The following FAM204A variants were observed in gnomAD, a reference collection of about 807,000 sequenced individuals.
FAM204A encodes protein FAM204A.
A neutral mutation model predicts 35.4 loss-of-function variants in FAM204A; 16 were observed. The observed-to-expected ratio is 0.45, with a 90% CI of 0.31 to 0.69. The LOEUF (loss-of-function observed/expected upper bound fraction) is 0.69, where lower values mean the gene tolerates loss of function less well. Among genes scored for constraint, FAM204A ranks in the 30% least tolerant of loss-of-function variants. The pLI is 0.07. For missense variants in FAM204A, 240 were observed against 265.7 expected, an observed-to-expected ratio of 0.90 and a Z score of 0.67; for synonymous variants, 76 against 86.9, an observed-to-expected ratio of 0.88 and a Z score of 0.70.
intron 6 of FAM204A, among the ~76,000 whole-genome samples, chr10:118,330,332 C>T (rs778684637): frequency 2.0e-5 from 3 of 152,152 alleles, no homozygotes; most frequent in Admixed American, 6.5e-5. Flanking sequence ...AGACCTGCTC[C>T]AACCATTCAT....
intron 7 of FAM204A, among the ~76,000 whole-genome samples, chr10:118,315,069 C>A (rs1275456563): frequency 6.6e-6 from 1 of 152,050 alleles, no homozygotes; most frequent in African/African-American, 2.4e-5. Flanking sequence ...CCTGGCTGGA[C>A]CCTTGAGGCA....
chr10:118,312,764 T>C (rs1045586472), intron 7 of FAM204A, among the ~76,000 whole-genome samples: 1 of 152,156 alleles, frequency 6.6e-6, no homozygotes, highest in Non-Finnish European at 1.5e-5. Context: ...AGTGCTACTG[T>C]CGTCCTCCTC....
rs1845854588 is a variant in FAM204A at position 118,305,596 on chromosome 10, GT to G, written c.*5260del. 1 of 152,190 alleles carries G rather than the reference GT, an allele frequency of 6.6e-6. No homozygotes were observed. The highest frequency in any genetic ancestry group is 1.9e-4 in the East Asian group (1 of 5,194). 9.4% of individuals were successfully genotyped at this position (152,190 alleles called of 1,614,324 possible). The stretch of plus-strand genomic sequence containing the variant: ...ATACTCAGGTAACTAAAATTTTTAA[GT>G]CTACATTACTTCTTATATGTAGATT... On this transcript the variant is annotated 3_prime_UTR_variant, in exon 9 of 9. Coordinates refer to ENST00000369183, the MANE Select transcript of FAM204A (RefSeq NM_022063.3).
chr10:118,308,212 A>C lies in FAM204A; in HGVS notation c.*2645T>G, dbSNP rs965507538. 1.3e-5 allele frequency: 2 copies of C among 152,224 alleles called. No homozygotes were observed. The highest frequency in any genetic ancestry group is 4.8e-5 in the African/African-American group (2 of 41,460). 9.4% of individuals were successfully genotyped at this position (152,224 alleles called of 1,614,324 possible). A position where few individuals can be genotyped will look rare whatever the true frequency, so the allele number is the denominator to read the frequency against. On this transcript the variant is annotated 3_prime_UTR_variant, in exon 9 of 9. Coordinates refer to ENST00000369183, the MANE Select transcript of FAM204A (RefSeq NM_022063.3). The stretch of plus-strand genomic sequence containing the variant: ...ATCATAGTTACATTAATGCCATACC[A>C]ACGGCCTGAAACATATTAATCTCAG...
At chr10:118,335,966 T>C (rs1358316617) in intron 3 of FAM204A, 1 of 564,858 alleles carries the variant, frequency 1.8e-6, no homozygotes, top group East Asian at 3.0e-5. Context: ...GGTTTGGGTT[T>C]TTTTTTTTTC....
rs764123349 is a variant in FAM204A at position 118,306,781 on chromosome 10, A to C, written c.*4076T>G. ...ATGCCTTTCCAGGTTTCCTCGTGGC[A>C]ATCTCCATTGGCCACATGCTGTCAT... On this transcript the variant is annotated 3_prime_UTR_variant, in exon 9 of 9. Transcript: ENST00000369183. 1.3e-5 allele frequency: 2 copies of C among 152,232 alleles called. No homozygotes were observed. The highest frequency in any genetic ancestry group is 2.9e-5 in the Non-Finnish European group (2 of 68,042). The allele number at this position is 152,232 out of a possible 1,614,324, so 9.4% of individuals were successfully genotyped here. A position where few individuals can be genotyped will look rare whatever the true frequency, so the allele number is the denominator to read the frequency against.
intron 3 of FAM204A, 136 bp from the exon 4 acceptor site, chr10:118,335,777 G>A (rs1257924193): frequency 2.9e-6 from 2 of 683,354 alleles, no homozygotes; most frequent in Non-Finnish European, 4.8e-6. Context: ...GTCAGTTCTT[G>A]AGATGCTCTA....
At chr10:118,327,296 T>C (rs912457366) in intron 6 of FAM204A, among the ~76,000 whole-genome samples, 15 of 152,140 alleles carry the variant, frequency 9.9e-5, no homozygotes, top group Non-Finnish European at 1.9e-4. Flanking sequence ...TTTGTTGAGA[T>C]GAGATGTAAA....
At chr10:118,327,219 T>A (rs1846211127) in intron 6 of FAM204A, among the ~76,000 whole-genome samples, 1 of 152,230 alleles carries the variant, frequency 6.6e-6, no homozygotes, top group Admixed American at 6.5e-5. Context: ...GTCCTAAGAA[T>A]GTCTCTTCCA....
In FAM204A at chr10:118,310,532, C is replaced by A; in HGVS notation, c.*325G>T. 2 of 236,952 alleles carry A rather than the reference C, an allele frequency of 8.4e-6. No homozygotes were observed. The highest frequency in any genetic ancestry group is 8.0e-6 in the Non-Finnish European group (1 of 124,908). The allele number at this position is 236,952 out of a possible 1,614,324, so 14.7% of individuals were successfully genotyped here. On this transcript the variant is annotated 3_prime_UTR_variant, in exon 9 of 9. Transcript: ENST00000369183. ...AAAGAAAGTACGAGAAGCTCACTGG[C>A]TGTGCTAAACCAAATGAATGGAAAG... is the stretch of plus-strand genomic sequence containing the variant.
chr10:118,323,307 C>G (rs986421426), intron 7 of FAM204A, among the ~76,000 whole-genome samples: 4 of 152,070 alleles, frequency 2.6e-5, no homozygotes, highest in African/African-American at 4.8e-5. Flanking sequence ...ACGCTTTACT[C>G]GGAACTATCT....
chr10:118,330,244 C>T (rs1197424463), intron 6 of FAM204A, among the ~76,000 whole-genome samples: 1 of 152,120 alleles, frequency 6.6e-6, no homozygotes, highest in East Asian at 1.9e-4. Flanking sequence ...TACAAGTTTC[C>T]TTGCACTACA....
At chr10:118,318,807 A>T (rs924073571) in intron 7 of FAM204A, among the ~76,000 whole-genome samples, 6 of 150,910 alleles carry the variant, frequency 4.0e-5, no homozygotes, top group African/African-American at 1.5e-4. Flanking sequence ...CCCTGACTAG[A>T]AGTAACTTTA....
At chr10:118,311,597 C>A in intron 7 of FAM204A, 2 of 273,432 alleles carry the variant, frequency 7.3e-6, no homozygotes, top group African/African-American at 2.2e-5. Context: ...TGAGGATCTT[C>A]AAGCTATTTC....
At chr10:118,317,751 T>A (rs1846054256) in intron 7 of FAM204A, among the ~76,000 whole-genome samples, 1 of 152,108 alleles carries the variant, frequency 6.6e-6, no homozygotes, top group Non-Finnish European at 1.5e-5. Flanking sequence ...ATTGTTGATC[T>A]ACATGTAATA....
At chr10:118,337,381 C>T in intron 2 of FAM204A, 1 of 272,858 alleles carries the variant, frequency 3.7e-6, no homozygotes, top group South Asian at 1.4e-4. Flanking sequence ...ATTTGTTTTG[C>T]AGTTTTCTGT....
intron 8 of FAM204A, 102 bp from the exon 9 acceptor site, chr10:118,311,010 T>C: frequency 8.6e-6 from 10 of 1,163,858 alleles, no homozygotes; most frequent in Middle Eastern, 2.1e-4. Context: ...CAAAAATTTT[T>C]CACATACTCC....
At position 118,301,315 on chromosome 10, in the gene FAM204A, G is replaced by A. The variant is rs1441957158; in HGVS notation, c.*9542C>T. ...TGCAACTTAGCAAGTCAGTTGGCCA[G>A]TTTTACAAATGCTGATAGAAGACAC... is the stretch of plus-strand genomic sequence containing the variant. On this transcript the variant is annotated 3_prime_UTR_variant, in exon 9 of 9. Coordinates refer to ENST00000369183, the MANE Select transcript of FAM204A (RefSeq NM_022063.3). The A allele has an allele frequency of 5.3e-5, 8 of 152,294 alleles. No individual in the cohort carries two copies. The East Asian group carries it at 1.5e-3, about 29-fold the overall frequency. The allele number at this position is 152,294 out of a possible 1,614,324, so 9.4% of individuals were successfully genotyped here.
chr10:118,326,225 T>C lies in FAM204A; in HGVS notation c.472A>G (p.Ile158Val). The C allele has an allele frequency of 1.9e-6, 3 of 1,613,512 alleles. No individual in the cohort carries two copies. The highest frequency in any genetic ancestry group is 2.5e-6 in the Non-Finnish European group (3 of 1,179,710). The change falls in exon 7 of 9, where the codon ATA becomes GTA. Residue 158 changes from isoleucine to valine, a missense_variant. Transcript: ENST00000369183. ...TTCCACTCCTCCACAGCCTGGTCTATCCTCTTTTCAAGGCCTGACTAGAAA... is the reference window on the plus strand; with the variant it reads ...TTCCACTCCTCCACAGCCTGGTCTACCCTCTTTTCAAGGCCTGACTAGAAA... ...KVEKSGLEKR[I>V]DQAVEEWNIE...
Sources: allele counts gnomAD v4.1 joint callset (sites outside exome capture counted in the v4.1 genomes callset), GRCh38; gene constraint gnomAD v4.1.1; transcripts MANE v1.5; gene names NCBI Gene and HGNC (gene_info 2026-07-23, HGNC 2026-07-21).